VWA5A: variants seen among roughly 807,000 people sequenced by gnomAD.
VWA5A encodes von Willebrand factor A domain containing 5A, also known as von Willebrand factor A domain-containing protein 5A.
VWA5A carries 77 observed loss-of-function variants against 84.6 expected under a neutral mutation model. The observed-to-expected ratio is 0.91, with a 90% CI of 0.76 to 1.10. The LOEUF is 1.10. VWA5A is among the 50% of genes least tolerant of loss of function. The probability of loss-of-function intolerance (pLI) is 0.00; values close to 1 mark genes in which losing one functional copy is unlikely to be tolerated. For synonymous variants in VWA5A, 334 were observed against 350.1 expected (o/e 0.95, Z 0.51); for missense variants, 973 against 963.0 (o/e 1.01, Z -0.14).
intron 12 of VWA5A, among the ~76,000 whole-genome samples, chr11:124,135,675 C>T (rs1022821764): frequency 2.7e-5 from 4 of 147,918 alleles, no homozygotes; most frequent in Non-Finnish European, 4.5e-5. Flanking sequence ...GGACTACAGG[C>T]GCCCGCCACT....
At chr11:124,115,794 T>C (rs946676921) in intron 1 of VWA5A, 2 of 152,182 alleles carry the variant, frequency 1.3e-5, no homozygotes, top group Non-Finnish European at 2.9e-5. Flanking sequence ...ATATAGACAA[T>C]TGATGTTTTC....
intron 15 of VWA5A, among the ~76,000 whole-genome samples, chr11:124,139,279 T>G (rs1188235144): frequency 1.3e-5 from 2 of 151,652 alleles, no homozygotes; most frequent in Non-Finnish European, 2.9e-5. Flanking sequence ...TTACTTTGAC[T>G]ATGTTTTTAT....
At chr11:124,129,010 A>G (rs1332715470) in intron 11 of VWA5A, among the ~76,000 whole-genome samples, 1 of 152,162 alleles carries the variant, frequency 6.6e-6, no homozygotes, top group African/African-American at 2.4e-5. Flanking sequence ...AGAACTTCCA[A>G]TACTATGTTG....
intron 16 of VWA5A, 112 bp downstream of exon 16, chr11:124,141,853 G>A (rs548112706): frequency 4.3e-6 from 6 of 1,393,808 alleles, no homozygotes; most frequent in African/African-American, 2.9e-5. Flanking sequence ...CATGTTTCTC[G>A]AAGGGACCCC....
intron 11 of VWA5A, among the ~76,000 whole-genome samples, chr11:124,129,734 T>G (rs1262773202): frequency 1.3e-5 from 2 of 152,170 alleles, no homozygotes; most frequent in Non-Finnish European, 1.5e-5. Flanking sequence ...GTCCAGGAAT[T>G]TATCCATTTC....
Position 124,118,425 on chromosome 11 carries a change from C to T in VWA5A, c.469+14C>T. 1 of 1,613,204 alleles carries T rather than the reference C, an allele frequency of 6.2e-7. No individual in the cohort carries two copies. Among genetic ancestry groups the T allele is most frequent in the Non-Finnish European group, 8.5e-7 (1 of 1,179,300 alleles). ...ACCAGTTCTCTGGTGAGTACCTCTC[C>T]CCTTTGAATTCTAGTGGTGGGTGAC... On this transcript the variant is annotated intron_variant, in intron 5 of 18. Coordinates refer to ENST00000456829, the MANE Select transcript of VWA5A (RefSeq NM_001130142.2).
In VWA5A at chr11:124,117,415, C is replaced by A. The variant is rs533653439; in HGVS notation, c.-15-82C>A. ...TTAACCCTTTGAATGTATTCTTATG[C>A]CAGAGAAAGGCACATAAAGTACTGG... On this transcript the variant is annotated intron_variant, in intron 2 of 18. Coordinates refer to ENST00000456829, the MANE Select transcript of VWA5A (RefSeq NM_001130142.2). 28 of 1,307,134 alleles carry A rather than the reference C, an allele frequency of 2.1e-5. No homozygotes were observed. The South Asian group carries it at 2.8e-4, about 13-fold the overall frequency. The allele number at this position is 1,307,134 out of a possible 1,614,324, so 81.0% of individuals were successfully genotyped here.
intron 6 of VWA5A, 31 bp from the exon 7 acceptor site, chr11:124,118,944 A>G (rs767026922): frequency 1.1e-5 from 18 of 1,603,526 alleles, no homozygotes; most frequent in Non-Finnish European, 2.6e-6. Context: ...TTATGATTCT[A>G]ATGTGGCTCC....
chr11:124,116,933 C>T (rs547016332), intron 2 of VWA5A, among the ~76,000 whole-genome samples: 10 of 152,162 alleles, frequency 6.6e-5, no homozygotes, highest in Non-Finnish European at 1.3e-4. Context: ...AATCACACAG[C>T]TTCTCACATG....
At chr11:124,144,857 TA>T (rs1027941100) in intron 17 of VWA5A, among the ~76,000 whole-genome samples, 35 of 152,216 alleles carry the variant, frequency 2.3e-4, no homozygotes, top group African/African-American at 8.4e-4. Context: ...TGTTTATTGA[TA>T]TTTTTTCATG....
intron 11 of VWA5A, among the ~76,000 whole-genome samples, chr11:124,134,338 C>T (rs765965190): frequency 6.6e-6 from 1 of 152,174 alleles, no homozygotes. Context: ...CTTCCAAAAG[C>T]GCCTGTGCTA....
intron 11 of VWA5A, among the ~76,000 whole-genome samples, chr11:124,129,560 G>C (rs1865067504): frequency 6.6e-6 from 1 of 152,272 alleles, no homozygotes; most frequent in South Asian, 2.1e-4. Context: ...AATGGTACCA[G>C]CTCCTCTTTG....
chr11:124,119,153 C>T (rs550804500), intron 7 of VWA5A, 64 bp downstream of exon 7: 7 of 1,398,116 alleles, frequency 5.0e-6, no homozygotes, highest in East Asian at 2.4e-5. Context: ...GAATTACTGT[C>T]GAATTACTCT....
chr11:124,117,639 A>G (rs1423433777), intron 3 of VWA5A, 34 bp from the exon 4 acceptor site: 2 of 1,614,202 alleles, frequency 1.2e-6, no homozygotes, highest in Non-Finnish European at 1.7e-6. Context: ...AATCTATTGA[A>G]GCTTGATGAA....
At chr11:124,125,009 A>T (rs908284753) in intron 11 of VWA5A, among the ~76,000 whole-genome samples, 1 of 152,178 alleles carries the variant, frequency 6.6e-6, no homozygotes, top group African/African-American at 2.4e-5. Context: ...TTTGGCTGTT[A>T]AAAATGATGC....
rs17128436 is a variant in VWA5A at position 124,146,158 on chromosome 11, G to C, written c.*213G>C. The C allele has an allele frequency of 0.035, 16,684 of 481,284 alleles. 414 individuals carry two copies. Among genetic ancestry groups the C allele is most frequent in the African/African-American group, 0.076 (3,763 of 49,728 alleles). The allele number at this position is 481,284 out of a possible 1,614,324, so 29.8% of individuals were successfully genotyped here. On this transcript the variant is annotated 3_prime_UTR_variant, in exon 19 of 19. Transcript: ENST00000456829. ...ATATGCCCTCAGAAAAGTGACAGTGGTCCCAGAACCTATTCCCTTTCTTGA... is the reference window on the plus strand; with the variant it reads ...ATATGCCCTCAGAAAAGTGACAGTGCTCCCAGAACCTATTCCCTTTCTTGA...
rs1002972371 is a variant in VWA5A at position 124,146,131 on chromosome 11, A to G, written c.*186A>G. Reference sequence around the variant, plus strand: ...TTTGGATATGATCTTTCTTTTCCCAACATATGCCCTCAGAAAAGTGACAGT... The same window carrying G: ...TTTGGATATGATCTTTCTTTTCCCAGCATATGCCCTCAGAAAAGTGACAGT... On this transcript the variant is annotated 3_prime_UTR_variant, in exon 19 of 19. Transcript: ENST00000456829. 5.3e-6 allele frequency: 3 copies of G among 561,134 alleles called. No individual in the cohort carries two copies. Among genetic ancestry groups the G allele is most frequent in the Middle Eastern group, 4.8e-4 (1 of 2,094 alleles). The allele number at this position is 561,134 out of a possible 1,614,324, so 34.8% of individuals were successfully genotyped here.
chr11:124,121,046 A>G (rs1338199996), intron 7 of VWA5A, among the ~76,000 whole-genome samples: 1 of 152,210 alleles, frequency 6.6e-6, no homozygotes, highest in African/African-American at 2.4e-5. Flanking sequence ...ATATTTAGTC[A>G]AGATGACTTG....
At chr11:124,129,093 T>C (rs577792201) in intron 11 of VWA5A, among the ~76,000 whole-genome samples, 2 of 152,356 alleles carry the variant, frequency 1.3e-5, no homozygotes, top group South Asian at 4.1e-4. Context: ...CTTTTACCCA[T>C]TCAGTGTGAT....
Sources: allele counts gnomAD v4.1 joint callset (sites outside exome capture counted in the v4.1 genomes callset), GRCh38; gene constraint gnomAD v4.1.1; transcripts MANE v1.5; gene names NCBI Gene and HGNC (gene_info 2026-07-23, HGNC 2026-07-21).